Variants in NTSR1 observed in about 807,000 individuals in gnomAD.
The protein encoded by NTSR1 is neurotensin receptor 1.
A neutral mutation model predicts 31.2 loss-of-function variants in NTSR1; 29 were observed. The ratio of observed to expected loss-of-function variants is 0.93; its 90% CI spans 0.69 to 1.27. The LOEUF is 1.27. NTSR1 is among the 50% of genes most tolerant of loss of function. The probability of loss-of-function intolerance (pLI) is 0.00; values close to 1 mark genes in which losing one functional copy is unlikely to be tolerated. For missense variants in NTSR1, 697 were observed against 595.4 expected, an observed-to-expected ratio of 1.17 and a Z score of -1.78; for synonymous variants, 282 against 269.9, an observed-to-expected ratio of 1.04 and a Z score of -0.44.
At position 62,762,203 on chromosome 20, in the gene NTSR1, T is replaced by A. The variant is rs1989637426; in HGVS notation, c.*1936T>A. On this transcript the variant is annotated 3_prime_UTR_variant, in exon 4 of 4. Transcript: ENST00000370501. The stretch of plus-strand genomic sequence containing the variant: ...GGACTCAGAGCCAGACAGGGCAGCC[T>A]CAGACCCTTCTCTGGGGCTCCTGGA... The A allele has an allele frequency of 6.6e-6, 1 of 152,232 alleles. No individual in the cohort carries two copies. Among genetic ancestry groups the A allele is most frequent in the South Asian group, 2.1e-4 (1 of 4,826 alleles). The allele number at this position is 152,232 out of a possible 1,614,324, so 9.4% of individuals were successfully genotyped here.
At chr20:62,721,600 C>T (rs1988828553) in intron 1 of NTSR1, among the ~76,000 whole-genome samples, 1 of 152,214 alleles carries the variant, frequency 6.6e-6, no homozygotes, top group Admixed American at 6.5e-5. Flanking sequence ...AGGCTTAGAT[C>T]TTGGAGATCG....
At chr20:62,713,968 A>G (rs1362758146) in intron 1 of NTSR1, among the ~76,000 whole-genome samples, 3 of 152,170 alleles carry the variant, frequency 2.0e-5, no homozygotes, top group Non-Finnish European at 2.9e-5. Flanking sequence ...GGCGTCGTGA[A>G]GGATGCCTGT....
chr20:62,754,027 C>T (rs1047850656), intron 1 of NTSR1, among the ~76,000 whole-genome samples: 1 of 152,240 alleles, frequency 6.6e-6, no homozygotes, highest in South Asian at 2.1e-4. Flanking sequence ...GACCTCTACC[C>T]TGTCCAGGAC....
intron 1 of NTSR1, among the ~76,000 whole-genome samples, chr20:62,734,161 A>G (rs1989046642): frequency 6.6e-6 from 1 of 152,116 alleles, no homozygotes; most frequent in African/African-American, 2.4e-5. Flanking sequence ...TGGCTCAGCC[A>G]CGTGGGTTAC....
intron 1 of NTSR1, among the ~76,000 whole-genome samples, chr20:62,731,198 C>T (rs1422967015): frequency 6.6e-6 from 1 of 152,170 alleles, no homozygotes; most frequent in Non-Finnish European, 1.5e-5. Context: ...GATTCTCCTG[C>T]CTCAGCCTCC....
intron 2 of NTSR1, among the ~76,000 whole-genome samples, chr20:62,755,354 TCCCTTCCTCCCTTCATCCCTCCATCCACC>T (rs1568711415): frequency 2.6e-5 from 1 of 37,848 alleles, no homozygotes; most frequent in Non-Finnish European, 4.9e-5. Context: ...CATCCCTCTC[TCCCTTCCTCCCTTCATCCCTCCATCCACC>T]CTCCCTCCCT....
intron 2 of NTSR1, among the ~76,000 whole-genome samples, chr20:62,755,854 C>CA: frequency 2.2e-5 from 2 of 89,178 alleles, no homozygotes; most frequent in Non-Finnish European, 4.6e-5. Flanking sequence ...TCCATCCATC[C>CA]TCCCTCCCTC....
chr20:62,729,563 C>T (rs1007637997), intron 1 of NTSR1, among the ~76,000 whole-genome samples: 1 of 152,074 alleles, frequency 6.6e-6, no homozygotes. Flanking sequence ...CAAGGCTCAC[C>T]CCAGACCAAC....
chr20:62,755,282 TCCTTCCCTC>T (rs1477629784), intron 2 of NTSR1, among the ~76,000 whole-genome samples: 53 of 111,948 alleles, frequency 4.7e-4, no homozygotes, highest in South Asian at 7.2e-4. Flanking sequence ...CCTCTCTCCC[TCCTTCCCTC>T]CATTCATTCC....
In NTSR1 at chr20:62,759,762, G is replaced by A. The variant is rs528670622; in HGVS notation, c.1008-256G>A. On this transcript the variant is annotated intron_variant, in intron 3 of 3. Transcript: ENST00000370501. ...TGTACTCCAGCCTGGGAGACAGAGC[G>A]AGACTCCGTCTCAAAAAAAAAAAAA... Among the ~76,000 whole-genome samples the A allele has an allele frequency of 3.2e-4, 41 of 127,012 alleles. 1 individual carries two copies. The South Asian group carries it at 3.4e-3, about 10-fold the overall frequency. The allele number at this position is 127,012 out of a possible 152,430, so 83.3% of individuals were successfully genotyped here.
chr20:62,715,991 T>C lies in NTSR1; in HGVS notation c.714+6070T>C, dbSNP rs908825846. On this transcript the variant is annotated intron_variant, in intron 1 of 3. Transcript: ENST00000370501. The surrounding 1 kb of genome is among the most constrained non-coding windows in gnomAD (Gnocchi z 4.7). ...AATCAAATCTCACGTGGTGATCTAGTAGTTTGTATTAAGAGAAGAAAGAAG... is the reference window on the plus strand; with the variant it reads ...AATCAAATCTCACGTGGTGATCTAGCAGTTTGTATTAAGAGAAGAAAGAAG... Among the ~76,000 whole-genome samples, 1 of 152,152 alleles carries C rather than the reference T, an allele frequency of 6.6e-6. No homozygotes were observed. Among genetic ancestry groups the C allele is most frequent in the Non-Finnish European group, 1.5e-5 (1 of 68,022 alleles).
At position 62,709,584 on chromosome 20, in the gene NTSR1, A is replaced by T; in HGVS notation, c.377A>T (p.Asn126Ile). 1.2e-6 allele frequency: 2 copies of T among 1,611,606 alleles called. No homozygotes were observed. Among genetic ancestry groups the T allele is most frequent in the Non-Finnish European group, 1.7e-6 (2 of 1,179,858 alleles). Reference sequence around the variant, plus strand: ...CTGGCCATGCCCGTGGAGCTGTACAACTTCATCTGGGTGCACCACCCCTGG... The same window carrying T: ...CTGGCCATGCCCGTGGAGCTGTACATCTTCATCTGGGTGCACCACCCCTGG... ...LLLAMPVELY[N>I]FIWVHHPWAF... The change falls in exon 1 of 4, where the codon AAC (asparagine) becomes ATC (isoleucine). Residue 126 changes from asparagine (N) to isoleucine (I), a missense_variant. Asn to Ile is a moderately radical substitution (Grantham distance 149, BLOSUM62 -3). Coordinates refer to ENST00000370501, the MANE Select transcript of NTSR1 (RefSeq NM_002531.3).
At chr20:62,717,183 G>T (rs920318582) in intron 1 of NTSR1, among the ~76,000 whole-genome samples, 1 of 152,252 alleles carries the variant, frequency 6.6e-6, no homozygotes, top group Non-Finnish European at 1.5e-5. Context: ...AGAGCCCTGG[G>T]TCTGGAGTGC....
In NTSR1 at chr20:62,745,858, C is replaced by T. The variant is rs1158052487; in HGVS notation, c.715-8827C>T. 2.0e-5 allele frequency among the ~76,000 whole-genome samples: 3 copies of T among 152,216 alleles called. No homozygotes were observed. The highest frequency in any genetic ancestry group is 4.4e-5 in the Non-Finnish European group (3 of 68,034). On this transcript the variant is annotated intron_variant, in intron 1 of 3. Coordinates refer to ENST00000370501, the MANE Select transcript of NTSR1 (RefSeq NM_002531.3). The surrounding 1 kb of genome is among the most constrained non-coding windows in gnomAD (Gnocchi z 4.1). ...GGGAGTCCCAGCCACCACGCGTCCC[C>T]CAGAATATTCATGGGGCTGGGCCAG... is the stretch of plus-strand genomic sequence containing the variant.
Position 62,732,410 on chromosome 20 carries a change from T to C in NTSR1, c.715-22275T>C, listed in dbSNP as rs1028018590. ...CAGATGGGTGTTGGGTTTTGGAAAA[T>C]AGTTCCTGTTGCCATGATGGATTTC... is the stretch of plus-strand genomic sequence containing the variant. On this transcript the variant is annotated intron_variant, in intron 1 of 3. Transcript: ENST00000370501. The surrounding 1 kb of genome is among the most constrained non-coding windows in gnomAD (Gnocchi z 4.0). 6.6e-6 allele frequency among the ~76,000 whole-genome samples: 1 copy of C among 152,192 alleles called. No individual in the cohort carries two copies. Among genetic ancestry groups the C allele is most frequent in the Non-Finnish European group, 1.5e-5 (1 of 68,040 alleles).
chr20:62,747,390 G>A (rs543778238), intron 1 of NTSR1, among the ~76,000 whole-genome samples: 10 of 131,468 alleles, frequency 7.6e-5, no homozygotes, highest in East Asian at 4.4e-4. Context: ...TAAAGGCCAC[G>A]TATGACAGAC....
intron 1 of NTSR1, among the ~76,000 whole-genome samples, chr20:62,752,464 G>A (rs936261358): frequency 1.3e-5 from 2 of 152,082 alleles, no homozygotes; most frequent in Admixed American, 6.5e-5. Context: ...TGGGGGAGGC[G>A]GGGGAGGGCC....
At chr20:62,750,582 T>C (rs2147146292) in intron 1 of NTSR1, among the ~76,000 whole-genome samples, 1 of 149,738 alleles carries the variant, frequency 6.7e-6, no homozygotes, top group Middle Eastern at 3.5e-3. Flanking sequence ...TCCCAGCTAC[T>C]CCAGAGGCTG....
At chr20:62,725,396 G>A (rs933576259) in intron 1 of NTSR1, among the ~76,000 whole-genome samples, 6 of 152,228 alleles carry the variant, frequency 3.9e-5, no homozygotes, top group Non-Finnish European at 7.3e-5. Flanking sequence ...AGTGGGAAGC[G>A]GGAGGCGGGA....
Sources: allele counts gnomAD v4.1 joint callset (sites outside exome capture counted in the v4.1 genomes callset), GRCh38; gene constraint gnomAD v4.1.1; non-coding constraint Gnocchi (gnomAD v3.1); transcripts MANE v1.5; gene names NCBI Gene and HGNC (gene_info 2026-07-23, HGNC 2026-07-21).